Variants in L3HYPDH observed in about 807,000 individuals in gnomAD.
L3HYPDH encodes the protein trans-3-hydroxy-L-proline dehydratase.
L3HYPDH carries 32 observed loss-of-function variants against 26.5 expected under a neutral mutation model. That is an observed-to-expected ratio of 1.21 (90% CI 0.91 to 1.62). The LOEUF (loss-of-function observed/expected upper bound fraction) is 1.62, where lower values mean the gene tolerates loss of function less well. L3HYPDH is among the 40% of genes most tolerant of loss of function. L3HYPDH has a pLI of 0.00. For synonymous variants in L3HYPDH, 215 were observed against 196.6 expected (o/e 1.09, Z -0.78); for missense variants, 554 against 476.4 (o/e 1.16, Z -1.52).
chr14:59,475,648 A>C (rs1423262382), intron 4 of L3HYPDH, among the ~76,000 whole-genome samples: 16 of 151,896 alleles, frequency 1.1e-4, no homozygotes, highest in Non-Finnish European at 1.5e-5. Flanking sequence ...TTATGAACAC[A>C]GTTTTGACCC....
rs760246813 is a variant in L3HYPDH at position 59,473,036 on chromosome 14, G to A, written c.994C>T (p.His332Tyr). 6.2e-7 allele frequency: 1 copy of A among 1,607,976 alleles called. No individual in the cohort carries two copies. Among genetic ancestry groups the A allele is most frequent in the Admixed American group, 1.7e-5 (1 of 58,750 alleles). ...AVIVEVSGQA[H>Y]YTGTASFIIE... is the part of the protein sequence containing the mutation. ...ATAAAGCTTGCTGTACCCGTGTAAT[G>A]GGCTTGTCCTGATACTTCCACTATA... The change falls in exon 5 of 5, where the codon CAT becomes TAT. Residue 332 changes from histidine (H) to tyrosine (Y), a missense_variant. By Grantham distance (83) the His-to-Tyr change is moderately conservative. Coordinates refer to ENST00000247194, the MANE Select transcript of L3HYPDH (RefSeq NM_144581.2).
the L3HYPDH span, among the ~76,000 whole-genome samples, chr14:59,498,373 C>G: frequency 6.6e-6 from 1 of 152,054 alleles, no homozygotes; most frequent in African/African-American, 2.4e-5. Context: ...TTATTTTCTT[C>G]TGGGCTTTAT....
chr14:59,473,192 AG>A lies in L3HYPDH; in HGVS notation c.940-103del, dbSNP rs1285293389. On this transcript the variant is annotated intron_variant, in intron 4 of 4. Transcript: ENST00000247194. ...CTTTTATCATGTGAAGGAAAGGCCA[AG>A]GGTTAATCCTATGGGCCAGGGAAGG... is the stretch of plus-strand genomic sequence containing the variant. 2.8e-5 allele frequency: 32 copies of A among 1,139,176 alleles called. No individual in the cohort carries two copies. The African/African-American group carries it at 4.8e-4, about 17-fold the overall frequency. The allele number at this position is 1,139,176 out of a possible 1,614,324, so 70.6% of individuals were successfully genotyped here. A position where few individuals can be genotyped will look rare whatever the true frequency, so the allele number is the denominator to read the frequency against.
At chr14:59,502,750 A>AT in the L3HYPDH span, among the ~76,000 whole-genome samples, 56 of 4,916 alleles carry the variant, frequency 0.011, no homozygotes, top group African/African-American at 0.018. Flanking sequence ...ATAAAATGAG[A>AT]TTTTTTTTTT....
chr14:59,474,261 A>G (rs1215501399), intron 4 of L3HYPDH, among the ~76,000 whole-genome samples: 1 of 152,146 alleles, frequency 6.6e-6, no homozygotes, highest in Non-Finnish European at 1.5e-5. Context: ...ATCCCAGAGA[A>G]TATCTGGGAA....
At chr14:59,495,252 TTG>T in the L3HYPDH span, 142,413 of 1,355,018 alleles carry the variant, frequency 0.11, 7,070 homozygotes, top group African/African-American at 0.25. Context: ...CTTAAGATCA[TTG>T]TTTTTTTTTA....
At chr14:59,485,702 C>G (rs1439279372), upstream of L3HYPDH, 2 of 152,768 alleles carry the variant, frequency 1.3e-5, no homozygotes, top group Non-Finnish European at 2.9e-5. Flanking sequence ...ACTGCAACCT[C>G]TGCCTCCTGG....
At chr14:59,496,436 A>G in the L3HYPDH span, among the ~76,000 whole-genome samples, 2 of 151,992 alleles carry the variant, frequency 1.3e-5, no homozygotes, top group Non-Finnish European at 2.9e-5. Flanking sequence ...ATTGAATATT[A>G]TATTTAAATA....
upstream of L3HYPDH, chr14:59,485,245 A>G: frequency 1.1e-6 from 1 of 935,844 alleles, no homozygotes; most frequent in South Asian, 1.8e-5. Flanking sequence ...AAGCCCATAC[A>G]GAAGTTTCCA....
chr14:59,495,253 T>C, the L3HYPDH span: 3 of 1,267,038 alleles, frequency 2.4e-6, no homozygotes, highest in Non-Finnish European at 3.3e-6. Flanking sequence ...TTAAGATCAT[T>C]GTTTTTTTTT....
In L3HYPDH at chr14:59,479,235, T is replaced by C. The variant is rs1332940875; in HGVS notation, c.625A>G (p.Thr209Ala). The change falls in exon 2 of 5, where the codon ACC becomes GCC. Residue 209 changes from threonine (T) to alanine (A), a missense_variant. Coordinates refer to ENST00000247194, the MANE Select transcript of L3HYPDH (RefSeq NM_144581.2). ...CTCGCTGCATCCACAAGGTCCCTGG[T>C]CTTTGCAGAACAAATGTCTAGTCCT... ...KLGLDICSAK[T>A]RDLVDAASAV... 1.2e-6 allele frequency: 2 copies of C among 1,613,576 alleles called. No individual in the cohort carries two copies. The highest frequency in any genetic ancestry group is 2.2e-5 in the South Asian group (2 of 90,896).
At chr14:59,467,713 A>T (rs1889229886), downstream of L3HYPDH, among the ~76,000 whole-genome samples, 1 of 152,110 alleles carries the variant, frequency 6.6e-6, no homozygotes, top group Non-Finnish European at 1.5e-5. Flanking sequence ...TCTCTCCTTG[A>T]TGTGCCAGTG....
chr14:59,483,349 A>T, intron 1 of L3HYPDH: 1 of 202,364 alleles, frequency 4.9e-6, no homozygotes, highest in Non-Finnish European at 9.3e-6. Context: ...TTAATTCTTC[A>T]AAGAAGTGGG....
At chr14:59,469,495 C>T (rs1889261593), downstream of L3HYPDH, among the ~76,000 whole-genome samples, 1 of 136,466 alleles carries the variant, frequency 7.3e-6, no homozygotes. Context: ...GCAGAGGTTG[C>T]AGTGAGCCAA....
At chr14:59,487,673 G>A (rs988706582), upstream of L3HYPDH, 1 of 1,610,320 alleles carries the variant, frequency 6.2e-7, no homozygotes, top group Non-Finnish European at 8.5e-7. Flanking sequence ...ATATATTATA[G>A]GTATGCCCAA....
rs1225316411 is a variant in L3HYPDH at position 59,476,045 on chromosome 14, G to T, written c.802-39C>A. On this transcript the variant is annotated intron_variant, in intron 3 of 4. Transcript: ENST00000247194. ...AATGAAGACAGAATGTTCATAGTGT[G>T]TTCCATATTACCTGGCTTTTGTCCC... is the stretch of plus-strand genomic sequence containing the variant. 1.9e-6 allele frequency: 3 copies of T among 1,613,606 alleles called. No individual in the cohort carries two copies. The African/African-American group carries it at 4.0e-5, about 22-fold the overall frequency.
Position 59,483,983 on chromosome 14 carries a change from C to A in L3HYPDH, c.334G>T (p.Gly112Cys), listed in dbSNP as rs763377889. The change falls in exon 1 of 5, where the codon GGC becomes TGC. Residue 112 changes from glycine to cysteine, a missense_variant. By Grantham distance (159) the Gly-to-Cys change is radical. Transcript: ENST00000247194. ...SMCGHAVLAL[G>C]RFALDFGLVP... is the part of the protein sequence containing the mutation. ...AGCCCGAAGTCCAAAGCGAAGCGGC[C>A]CAGCGCCAGCACTGCGTGGCCGCAC... is the stretch of plus-strand genomic sequence containing the variant. The A allele has an allele frequency of 2.5e-6, 4 of 1,583,838 alleles. No homozygotes were observed. The highest frequency in any genetic ancestry group is 3.4e-6 in the Non-Finnish European group (4 of 1,170,544).
chr14:59,481,736 G>C lies in L3HYPDH; in HGVS notation c.508+2073C>G, dbSNP rs577556175. On this transcript the variant is annotated intron_variant, in intron 1 of 4. Coordinates refer to ENST00000247194, the MANE Select transcript of L3HYPDH (RefSeq NM_144581.2). Reference sequence around the variant, plus strand: ...TTAAAATACACTAAGCACTATTCTAGAAAATTGAAACATATCTCCTTAAAC... The same window carrying C: ...TTAAAATACACTAAGCACTATTCTACAAAATTGAAACATATCTCCTTAAAC... 7.5e-4 allele frequency among the ~76,000 whole-genome samples: 114 copies of C among 152,282 alleles called. 1 individual carries two copies. Among genetic ancestry groups the C allele is most frequent in the Admixed American group, 1.4e-3 (22 of 15,286 alleles).
intron 4 of L3HYPDH, chr14:59,474,406 TG>T: frequency 3.1e-6 from 2 of 647,894 alleles, no homozygotes; most frequent in East Asian, 2.8e-5. Flanking sequence ...GTGCCTTATA[TG>T]GAAGTTCTAA....
Sources: gnomAD v4.1 joint callset for allele counts (sites outside exome capture counted in the v4.1 genomes callset) on GRCh38, gnomAD v4.1.1 for gene constraint, MANE v1.5 for transcripts, NCBI Gene and HGNC (gene_info 2026-07-23, HGNC 2026-07-21) for gene names.